The following RBFOX1 variants were observed in gnomAD, a reference collection of about 807,000 sequenced individuals.
The protein encoded by RBFOX1 is RNA binding fox-1 homolog 1, also known as RNA binding protein fox-1 homolog 1.
A neutral mutation model predicts 57.7 loss-of-function variants in RBFOX1; 8 were observed. That is an observed-to-expected ratio of 0.14 (90% CI 0.08 to 0.25). The LOEUF is 0.25. Ranked by LOEUF, RBFOX1 falls within the 10% of genes least tolerant of loss-of-function variation. The pLI is 1.00. For missense variants in RBFOX1, 611 were observed against 548.5 expected (o/e 1.11, Z -1.14); for synonymous variants, 326 against 222.4 (o/e 1.47, Z -4.15).
chr16:5,327,313 G>A (rs1169046499), intron 1 of RBFOX1, among the ~76,000 whole-genome samples: 1 of 152,152 alleles, frequency 6.6e-6, no homozygotes, highest in Non-Finnish European at 1.5e-5. Flanking sequence ...TCCCTGGAGA[G>A]AAGCCTTGGG....
intron 3 of RBFOX1, among the ~76,000 whole-genome samples, chr16:5,809,276 G>A (rs1218600524): frequency 6.6e-6 from 1 of 152,166 alleles, no homozygotes; most frequent in African/African-American, 2.4e-5. Flanking sequence ...AGGACTTCAA[G>A]TCTAAAACAC....
intron 3 of RBFOX1, among the ~76,000 whole-genome samples, chr16:5,847,506 C>G (rs1269290311): frequency 6.6e-6 from 1 of 151,998 alleles, no homozygotes; most frequent in Non-Finnish European, 1.5e-5. Flanking sequence ...ACGAGGTGGA[C>G]ATTAGTTTTC....
At chr16:6,811,126 C>T (rs965712154) in intron 3 of RBFOX1, among the ~76,000 whole-genome samples, 1 of 152,150 alleles carries the variant, frequency 6.6e-6, no homozygotes, top group African/African-American at 2.4e-5. Flanking sequence ...GCCGATTTTG[C>T]TGAGTAACTT....
intron 3 of RBFOX1, chr16:6,775,922 C>G (rs972766628): frequency 6.6e-6 from 1 of 152,204 alleles, no homozygotes; most frequent in Non-Finnish European, 1.5e-5. Flanking sequence ...TTCCAAGTCT[C>G]CTGTGGGTGA....
intron 3 of RBFOX1, among the ~76,000 whole-genome samples, chr16:6,843,292 G>C (rs922434608): frequency 1.3e-5 from 2 of 152,020 alleles, no homozygotes; most frequent in East Asian, 3.9e-4. Context: ...ATGTCACACA[G>C]AGTGGCCATG....
At chr16:6,380,259 G>A (rs1372958781) in intron 2 of RBFOX1, among the ~76,000 whole-genome samples, 1 of 152,048 alleles carries the variant, frequency 6.6e-6, no homozygotes, top group Admixed American at 6.6e-5. Flanking sequence ...ATCAACTAGT[G>A]AAGAAAACAA....
chr16:7,437,370 C>G (rs1311707030), intron 4 of RBFOX1, among the ~76,000 whole-genome samples: 1 of 151,774 alleles, frequency 6.6e-6, no homozygotes, highest in African/African-American at 2.4e-5. Flanking sequence ...ACTCCTACTT[C>G]CATCGCACAG....
intron 3 of RBFOX1, among the ~76,000 whole-genome samples, chr16:6,928,233 T>G (rs1021399676): frequency 6.6e-6 from 1 of 152,126 alleles, no homozygotes; most frequent in Non-Finnish European, 1.5e-5. Flanking sequence ...AGATTCTGAT[T>G]TAATTGGTCT....
At chr16:7,472,115 A>C (rs11647224) in intron 4 of RBFOX1, among the ~76,000 whole-genome samples, 1 of 151,982 alleles carries the variant, frequency 6.6e-6, no homozygotes, top group African/African-American at 2.4e-5. Flanking sequence ...TAAAAAATCG[A>C]AGAATATATA....
intron 3 of RBFOX1, among the ~76,000 whole-genome samples, chr16:7,031,575 G>A (rs1467838151): frequency 5.3e-5 from 8 of 150,290 alleles, no homozygotes; most frequent in Admixed American, 1.3e-4. Flanking sequence ...CACTCCAGCC[G>A]AGGCAACAGA....
chr16:7,098,798 A>T (rs986198816), intron 4 of RBFOX1, among the ~76,000 whole-genome samples: 11 of 152,264 alleles, frequency 7.2e-5, no homozygotes, highest in Middle Eastern at 3.4e-3. Flanking sequence ...TTTAAAATAA[A>T]TAAATAAATA....
chr16:6,875,040 G>A (rs77907137), intron 3 of RBFOX1, among the ~76,000 whole-genome samples: 2,062 of 152,286 alleles, frequency 0.014, 46 homozygotes, highest in African/African-American at 0.046. Context: ...GTGAGTGGGA[G>A]CAAGTGTGGT....
At chr16:5,960,362 GGAA>G (rs1227711967) in intron 4 of RBFOX1, among the ~76,000 whole-genome samples, 1 of 152,138 alleles carries the variant, frequency 6.6e-6, no homozygotes, top group Non-Finnish European at 1.5e-5. Flanking sequence ...GATACGGAGT[GGAA>G]GAAGGTGACC....
At chr16:6,883,211 C>T (rs1447235947) in intron 3 of RBFOX1, among the ~76,000 whole-genome samples, 1 of 152,200 alleles carries the variant, frequency 6.6e-6, no homozygotes, top group Admixed American at 6.5e-5. Flanking sequence ...AAAGAAAGTA[C>T]TTAGCTTAGA....
intron 3 of RBFOX1, among the ~76,000 whole-genome samples, chr16:6,736,635 T>G (rs1035531196): frequency 2.6e-5 from 4 of 152,234 alleles, no homozygotes; most frequent in African/African-American, 9.6e-5. Context: ...TGCAAGTATC[T>G]TTTTCAAATA....
intron 2 of RBFOX1, among the ~76,000 whole-genome samples, chr16:5,470,554 GA>G (rs551238435): frequency 5.9e-5 from 9 of 152,100 alleles, no homozygotes; most frequent in Non-Finnish European, 1.2e-4. Flanking sequence ...AAGGCAACTT[GA>G]CAGAATAATA....
intron 4 of RBFOX1, among the ~76,000 whole-genome samples, chr16:7,492,097 T>C (rs1350740383): frequency 6.6e-6 from 1 of 152,206 alleles, no homozygotes; most frequent in South Asian, 2.1e-4. Flanking sequence ...AAATTTACCA[T>C]GCCAAAAGGT....
chr16:6,463,775 C>T (rs1416292501), intron 2 of RBFOX1, among the ~76,000 whole-genome samples: 1 of 152,186 alleles, frequency 6.6e-6, no homozygotes, highest in Admixed American at 6.5e-5. Flanking sequence ...ATTCCCTGAA[C>T]AGCACCAGCA....
intron 4 of RBFOX1, among the ~76,000 whole-genome samples, chr16:7,259,313 C>T (rs571931086): frequency 2.0e-5 from 3 of 152,286 alleles, no homozygotes; most frequent in Non-Finnish European, 4.4e-5. Context: ...ACACCTTCCC[C>T]TCTCAGGCAC....
Sources: gnomAD v4.1 joint callset for allele counts (sites outside exome capture counted in the v4.1 genomes callset) on GRCh38, gnomAD v4.1.1 for gene constraint, MANE v1.5 for transcripts, NCBI Gene and HGNC (gene_info 2026-07-23, HGNC 2026-07-21) for gene names.